The following SWAP70 variants were observed in gnomAD, a reference collection of about 807,000 sequenced individuals.
SWAP70 encodes the protein switch-associated protein 70.
SWAP70 carries 34 observed loss-of-function variants against 80.2 expected under a neutral mutation model. The ratio of observed to expected loss-of-function variants is 0.42; its 90% CI spans 0.32 to 0.56. The LOEUF is 0.56. Ranked by LOEUF, SWAP70 falls within the 20% of genes least tolerant of loss-of-function variation. The pLI is 0.09. For missense variants in SWAP70, 578 were observed against 690.7 expected, an observed-to-expected ratio of 0.84 and a Z score of 1.83; for synonymous variants, 239 against 238.5, an observed-to-expected ratio of 1.00 and a Z score of -0.02.
At chr11:9,698,025 A>G (rs1183489744) in intron 2 of SWAP70, among the ~76,000 whole-genome samples, 8 of 151,060 alleles carry the variant, frequency 5.3e-5, no homozygotes, top group East Asian at 1.9e-4. Flanking sequence ...CCCTCATGCA[A>G]TCCTCCCACC....
Position 9,740,250 on chromosome 11 carries a change from C to G in SWAP70, c.1258C>G (p.Arg420Gly), listed in dbSNP as rs199611519. 6.2e-7 allele frequency: 1 copy of G among 1,613,996 alleles called. No individual in the cohort carries two copies. Among genetic ancestry groups the G allele is most frequent in the African/African-American group, 1.3e-5 (1 of 74,898 alleles). The change falls in exon 9 of 12, where the codon CGG (arginine) becomes GGG (glycine). Residue 420 changes from arginine to glycine, a missense_variant. Coordinates refer to ENST00000318950, the MANE Select transcript of SWAP70 (RefSeq NM_015055.4). ...ACTGGAACAGTATTTACAGCGAGTA[C>G]GGGAGCTGGAAGACATGTACCTAAA... ...SELEQYLQRV[R>G]ELEDMYLKLQ...
intron 4 of SWAP70, among the ~76,000 whole-genome samples, chr11:9,726,376 A>G (rs981253452): frequency 6.6e-6 from 1 of 152,110 alleles, no homozygotes; most frequent in Non-Finnish European, 1.5e-5. Flanking sequence ...TCTTTCTTCC[A>G]TAGGTAATAG....
Position 9,675,329 on chromosome 11 carries a change from G to GAC in SWAP70, c.99+11052_99+11053insCA, listed in dbSNP as rs1282149924. 9.6e-4 allele frequency among the ~76,000 whole-genome samples: 58 copies of GAC among 60,396 alleles called. 7 individuals are homozygous for GAC. Among genetic ancestry groups the GAC allele is most frequent in the Middle Eastern group, 0.01 (1 of 96 alleles). The allele number at this position is 60,396 out of a possible 152,430, so 39.6% of individuals were successfully genotyped here. A position where few individuals can be genotyped will look rare whatever the true frequency, so the allele number is the denominator to read the frequency against. ...AGAAACAGAGAGGGAGCGAGAGAGA[G>GAC]AGAGAGAGAGAGGGAGCGAGAGAGA... On this transcript the variant is annotated intron_variant, in intron 1 of 11. Coordinates refer to ENST00000318950, the MANE Select transcript of SWAP70 (RefSeq NM_015055.4).
intron 1 of SWAP70, among the ~76,000 whole-genome samples, chr11:9,671,642 C>G (rs1302334608): frequency 5.8e-5 from 1 of 17,164 alleles, no homozygotes; most frequent in Non-Finnish European, 8.7e-5. Context: ...ATAAATATTT[C>G]TATATAAATA....
intron 1 of SWAP70, among the ~76,000 whole-genome samples, chr11:9,680,237 A>G (rs1399378704): frequency 6.6e-6 from 1 of 152,212 alleles, no homozygotes. Context: ...TATATAAACA[A>G]GTTCTAGAGT....
intron 2 of SWAP70, among the ~76,000 whole-genome samples, chr11:9,697,548 G>T (rs1850774417): frequency 6.6e-6 from 1 of 152,006 alleles, no homozygotes; most frequent in African/African-American, 2.4e-5. Context: ...CTCCCAAAGT[G>T]CTGGGATTAC....
chr11:9,710,517 T>C (rs1850981684), intron 2 of SWAP70, among the ~76,000 whole-genome samples: 1 of 152,168 alleles, frequency 6.6e-6, no homozygotes, highest in Non-Finnish European at 1.5e-5. Context: ...AACTTCGGCC[T>C]GCGGACAGCT....
chr11:9,681,604 G>T (rs1850569342), intron 1 of SWAP70, among the ~76,000 whole-genome samples: 1 of 152,164 alleles, frequency 6.6e-6, no homozygotes, highest in Non-Finnish European at 1.5e-5. Context: ...GGGTAAGTTG[G>T]TGAGTGTGGG....
intron 2 of SWAP70, 85 bp from the exon 3 acceptor site, chr11:9,713,381 G>A (rs1851024342): frequency 7.4e-7 from 1 of 1,358,084 alleles, no homozygotes; most frequent in African/African-American, 1.5e-5. Flanking sequence ...GGGAGCCAAA[G>A]GAGGCTTTGT....
At chr11:9,677,837 A>G (rs1052241341) in intron 1 of SWAP70, among the ~76,000 whole-genome samples, 5 of 152,136 alleles carry the variant, frequency 3.3e-5, no homozygotes, top group African/African-American at 1.2e-4. Flanking sequence ...AACAACATGG[A>G]TAGTTTAAAT....
chr11:9,700,884 G>A (rs1850822174), intron 2 of SWAP70, among the ~76,000 whole-genome samples: 1 of 151,936 alleles, frequency 6.6e-6, no homozygotes, highest in African/African-American at 2.4e-5. Context: ...TGATTCTCTT[G>A]TCTTAATTAG....
chr11:9,667,591 G>T (rs2134411501), intron 1 of SWAP70, among the ~76,000 whole-genome samples: 1 of 151,758 alleles, frequency 6.6e-6, no homozygotes, highest in African/African-American at 2.4e-5. Flanking sequence ...TGGAGACAAG[G>T]TCTTTTTGTC....
At chr11:9,733,039 A>G (rs539887495) in intron 7 of SWAP70, among the ~76,000 whole-genome samples, 2 of 152,256 alleles carry the variant, frequency 1.3e-5, no homozygotes, top group African/African-American at 2.4e-5. Context: ...ACTGGCCTGG[A>G]CAAGGTGTGT....
chr11:9,703,610 C>A (rs567318232), intron 2 of SWAP70, among the ~76,000 whole-genome samples: 3 of 152,196 alleles, frequency 2.0e-5, no homozygotes, highest in Non-Finnish European at 4.4e-5. Flanking sequence ...CTGTGCTTTT[C>A]CTCTATAGCA....
chr11:9,664,341 G>T (rs1850282479), intron 1 of SWAP70, 63 bp downstream of exon 1: 1 of 1,502,104 alleles, frequency 6.7e-7, no homozygotes, highest in Admixed American at 2.1e-5. Flanking sequence ...ACTTCCCTTG[G>T]GTGGAAGCGG....
intron 9 of SWAP70, among the ~76,000 whole-genome samples, chr11:9,746,099 C>A (rs1026199049): frequency 6.6e-6 from 1 of 152,206 alleles, no homozygotes. Flanking sequence ...GATGAATTCT[C>A]TACTGGCTCT....
At chr11:9,720,509 T>G (rs1851120776) in intron 3 of SWAP70, 2 of 984,620 alleles carry the variant, frequency 2.0e-6, no homozygotes, top group African/African-American at 3.5e-5. Context: ...CTAAGGCTGA[T>G]TCTTGACTTG....
At position 9,704,751 on chromosome 11, in the gene SWAP70, C is replaced by T. The variant is rs946527217; in HGVS notation, c.241-8715C>T. Among the ~76,000 whole-genome samples the T allele has an allele frequency of 5.2e-4, 79 of 152,146 alleles. 1 individual carries two copies. The highest frequency in any genetic ancestry group is 1.5e-4 in the Non-Finnish European group (10 of 68,032). On this transcript the variant is annotated intron_variant, in intron 2 of 11. Transcript: ENST00000318950. Reference sequence around the variant, plus strand: ...TGCACATAACTGTTAGTCTGTCTTCCTCCTCGCACTAGAAGCTCCTTAGAG... The same window carrying T: ...TGCACATAACTGTTAGTCTGTCTTCTTCCTCGCACTAGAAGCTCCTTAGAG...
At chr11:9,691,110 G>T (rs2134444608) in intron 1 of SWAP70, among the ~76,000 whole-genome samples, 1 of 152,222 alleles carries the variant, frequency 6.6e-6, no homozygotes, top group South Asian at 2.1e-4. Context: ...TAGAGATGGG[G>T]TTTTGCCATG....
Sources: allele counts gnomAD v4.1 joint callset (sites outside exome capture counted in the v4.1 genomes callset), GRCh38; gene constraint gnomAD v4.1.1; transcripts MANE v1.5; gene names NCBI Gene and HGNC (gene_info 2026-07-23, HGNC 2026-07-21).